The following SGPP2 variants were observed in gnomAD, a reference collection of about 807,000 sequenced individuals.
SGPP2 encodes the protein sphingosine 1-phosphate phosphohydrolase 2.
Under a neutral mutation model 33.9 loss-of-function variants are expected in SGPP2, and 30 were observed. The ratio of observed to expected loss-of-function variants is 0.89; its 90% CI spans 0.66 to 1.20. The LOEUF is 1.20. Ranked by LOEUF, SGPP2 falls within the 50% of genes most tolerant of loss-of-function variation. SGPP2 has a pLI of 0.00. For missense variants in SGPP2, 458 were observed against 532.1 expected, an observed-to-expected ratio of 0.86 and a Z score of 1.37; for synonymous variants, 233 against 225.0, an observed-to-expected ratio of 1.04 and a Z score of -0.32.
intron 4 of SGPP2, among the ~76,000 whole-genome samples, chr2:222,540,090 T>A (rs566674579): frequency 9.2e-5 from 14 of 152,354 alleles, no homozygotes; most frequent in African/African-American, 3.4e-4. Flanking sequence ...GTCTCTTCGG[T>A]CATATAGGAT....
chr2:222,523,386 T>G (rs1180192594), intron 3 of SGPP2, among the ~76,000 whole-genome samples: 2 of 152,190 alleles, frequency 1.3e-5, no homozygotes, highest in African/African-American at 4.8e-5. Context: ...AAGGACGTAG[T>G]GGGCCAAGCA....
At chr2:222,507,211 G>A (rs1316149204) in intron 2 of SGPP2, among the ~76,000 whole-genome samples, 2 of 152,162 alleles carry the variant, frequency 1.3e-5, no homozygotes, top group Non-Finnish European at 2.9e-5. Context: ...ATTTTCCTGA[G>A]TTTGTTAGAG....
rs183107740 is a variant in SGPP2, at chr2:222,557,072, C to T, written c.649-1275C>T. 2.6e-3 allele frequency among the ~76,000 whole-genome samples: 393 copies of T among 152,296 alleles called. 1 individual carries two copies. The highest frequency in any genetic ancestry group is 4.5e-3 in the Non-Finnish European group (307 of 68,014). On this transcript the variant is annotated intron_variant, in intron 4 of 4. Coordinates refer to ENST00000321276, the MANE Select transcript of SGPP2 (RefSeq NM_152386.4). The stretch of plus-strand genomic sequence containing the variant: ...TCAGGGCCTCAGGCTGCTCCCAGGA[C>T]GTAGTACTCATGGCGTGGGTTGGAC...
chr2:222,459,309 G>T (rs1222175490), intron 1 of SGPP2, among the ~76,000 whole-genome samples: 1 of 151,766 alleles, frequency 6.6e-6, no homozygotes, highest in Admixed American at 6.6e-5. Context: ...ACCACACCTG[G>T]CTAATTTTTA....
At chr2:222,485,197 C>T (rs1698086753) in intron 2 of SGPP2, among the ~76,000 whole-genome samples, 1 of 152,202 alleles carries the variant, frequency 6.6e-6, no homozygotes, top group Non-Finnish European at 1.5e-5. Context: ...TTACTCTTCT[C>T]CCCAGTCCAA....
chr2:222,558,182 C>G (rs564444677), intron 4 of SGPP2, among the ~76,000 whole-genome samples, 165 bp from the exon 5 acceptor site: 8 of 152,300 alleles, frequency 5.3e-5, no homozygotes, highest in African/African-American at 1.9e-4. Flanking sequence ...CGTATTTTCA[C>G]TTCAAAGTTT....
At chr2:222,443,766 C>G (rs957948746) in intron 1 of SGPP2, among the ~76,000 whole-genome samples, 9 of 152,102 alleles carry the variant, frequency 5.9e-5, no homozygotes, top group African/African-American at 2.2e-4. Context: ...TCACAGAGGT[C>G]TGTGTGTTCC....
intron 1 of SGPP2, among the ~76,000 whole-genome samples, chr2:222,463,224 CCA>C (rs1393339344): frequency 6.6e-6 from 1 of 152,174 alleles, no homozygotes; most frequent in African/African-American, 2.4e-5. Flanking sequence ...TACCACATAT[CCA>C]CAGTCACCCC....
rs185015189 is a variant in SGPP2, at chr2:222,436,638, A to G, written c.219+11817A>G. Among the ~76,000 whole-genome samples, 5 of 152,290 alleles carry G rather than the reference A, an allele frequency of 3.3e-5. 1 individual carries two copies. In the East Asian group the frequency reaches 9.6e-4, roughly 29 times the overall value. On this transcript the variant is annotated intron_variant, in intron 1 of 4. Coordinates refer to ENST00000321276, the MANE Select transcript of SGPP2 (RefSeq NM_152386.4). ...AAAGTGAATGCGTTGGTCAGAGGCA[A>G]TGCTGTGTGGGATACTATGACGGTA... is the stretch of plus-strand genomic sequence containing the variant.
chr2:222,494,988 C>T (rs748629703), intron 2 of SGPP2, among the ~76,000 whole-genome samples: 5 of 152,000 alleles, frequency 3.3e-5, no homozygotes, highest in Admixed American at 6.6e-5. Flanking sequence ...GCCAAGATCG[C>T]GCCACTGCAC....
At chr2:222,483,730 CT>C (rs1202614602) in intron 2 of SGPP2, among the ~76,000 whole-genome samples, 1 of 152,208 alleles carries the variant, frequency 6.6e-6, no homozygotes, top group African/African-American at 2.4e-5. Flanking sequence ...GGGAAAAAGC[CT>C]GTCCCATCCC....
chr2:222,540,704 T>C (rs1180831356), intron 4 of SGPP2, among the ~76,000 whole-genome samples: 1 of 152,180 alleles, frequency 6.6e-6, no homozygotes, highest in Non-Finnish European at 1.5e-5. Context: ...TGAGTCAGAT[T>C]TGACAAGATT....
At chr2:222,449,181 G>T (rs1052116608) in intron 1 of SGPP2, among the ~76,000 whole-genome samples, 2 of 152,132 alleles carry the variant, frequency 1.3e-5, no homozygotes, top group Non-Finnish European at 2.9e-5. Flanking sequence ...CCATCTGGTC[G>T]TTGAAACCAA....
In SGPP2 at chr2:222,559,623, C is replaced by G. The variant is rs1689500476; in HGVS notation, c.*725C>G. ...ACTGTAAGCATAGACCACCATGTGCCCAGCTAATTTTTGTAGAGACAGGGT... is the reference window on the plus strand; with the variant it reads ...ACTGTAAGCATAGACCACCATGTGCGCAGCTAATTTTTGTAGAGACAGGGT... On this transcript the variant is annotated 3_prime_UTR_variant, in exon 5 of 5. Transcript: ENST00000321276. 6.6e-6 allele frequency: 1 copy of G among 152,166 alleles called. No homozygotes were observed. The highest frequency in any genetic ancestry group is 2.4e-5 in the African/African-American group (1 of 41,390). The allele number at this position is 152,166 out of a possible 1,614,324, so 9.4% of individuals were successfully genotyped here. A position where few individuals can be genotyped will look rare whatever the true frequency, so the allele number is the denominator to read the frequency against.
rs535235619 is a variant in SGPP2, at chr2:222,550,130, G to A, written c.649-8217G>A. ...CGTGACCTCGTGATCCACCCGCCTC[G>A]GCCTCCCAAAGTGCTGGGATTACAG... On this transcript the variant is annotated intron_variant, in intron 4 of 4. Transcript: ENST00000321276. This position sits in a 1 kb window ranked among gnomAD's most constrained non-coding sequence, Gnocchi z 4.5. Among the ~76,000 whole-genome samples, 4 of 151,922 alleles carry A rather than the reference G, an allele frequency of 2.6e-5. No individual in the cohort carries two copies. Among genetic ancestry groups the A allele is most frequent in the Admixed American group, 6.6e-5 (1 of 15,250 alleles).
chr2:222,489,575 A>T (rs1362428278), intron 2 of SGPP2, among the ~76,000 whole-genome samples: 83 of 151,574 alleles, frequency 5.5e-4, no homozygotes, highest in Non-Finnish European at 1.0e-4. Flanking sequence ...CTGAGCTTTA[A>T]AAAAAAAAAT....
chr2:222,435,312 G>A (rs191135818), intron 1 of SGPP2, among the ~76,000 whole-genome samples: 2 of 152,194 alleles, frequency 1.3e-5, no homozygotes, highest in Admixed American at 1.3e-4. Flanking sequence ...TCTAGCTGAG[G>A]TGGCAGCTGA....
chr2:222,512,396 G>A (rs918500718), intron 2 of SGPP2, among the ~76,000 whole-genome samples: 14 of 151,596 alleles, frequency 9.2e-5, no homozygotes, highest in Non-Finnish European at 1.3e-4. Flanking sequence ...TTCTCCCCAC[G>A]CCACATACAC....
intron 2 of SGPP2, among the ~76,000 whole-genome samples, chr2:222,512,766 G>GAT (rs1698549361): frequency 6.6e-6 from 1 of 152,138 alleles, no homozygotes; most frequent in Admixed American, 6.5e-5. Flanking sequence ...TTCACTTACT[G>GAT]ATATATATTT....
Sources: gnomAD v4.1 joint callset for allele counts (sites outside exome capture counted in the v4.1 genomes callset) on GRCh38, gnomAD v4.1.1 for gene constraint, Gnocchi (gnomAD v3.1) non-coding constraint, MANE v1.5 for transcripts, NCBI Gene and HGNC (gene_info 2026-07-23, HGNC 2026-07-21) for gene names.